Variants in S100A16 observed in about 807,000 individuals in gnomAD.
S100A16 encodes the protein protein S100-A16.
In S100A16, 8 loss-of-function variants were observed where a neutral mutation model predicts 9.0. That is an observed-to-expected ratio of 0.89 (90% confidence interval 0.52 to 1.60). The LOEUF (loss-of-function observed/expected upper bound fraction) is 1.60, where lower values mean the gene tolerates loss of function less well. S100A16 is among the 40% of genes most tolerant of loss of function. The pLI is 0.00. For missense variants in S100A16, 138 were observed against 132.4 expected, an observed-to-expected ratio of 1.04 and a Z score of -0.21; for synonymous variants, 51 against 51.4, an observed-to-expected ratio of 0.99 and a Z score of 0.04.
chr1:153,607,503 C>T lies in S100A16; in HGVS notation c.*31G>A, dbSNP rs570910714. On this transcript the variant is annotated 3_prime_UTR_variant, in exon 3 of 3. Transcript: ENST00000368706. ...AGAGCACCAGGGCGGGGCATCAGGCCAGTGCCTGGAAGGTGTGGCCAAAGG... is the reference window on the plus strand; with the variant it reads ...AGAGCACCAGGGCGGGGCATCAGGCTAGTGCCTGGAAGGTGTGGCCAAAGG... 29 of 1,613,432 alleles carry T rather than the reference C, an allele frequency of 1.8e-5. No homozygotes were observed. The South Asian group carries it at 2.4e-4, about 13-fold the overall frequency.
intron 1 of S100A16, among the ~76,000 whole-genome samples, chr1:153,609,979 A>G (rs1666798838): frequency 1.3e-5 from 2 of 152,144 alleles, no homozygotes; most frequent in Non-Finnish European, 2.9e-5. Context: ...GGGAGGATGG[A>G]GCAGAGTACC....
Position 153,608,004 on chromosome 1 carries a change from G to C in S100A16, c.148C>G (p.Leu50Val). 1 of 1,613,892 alleles carries C rather than the reference G, an allele frequency of 6.2e-7. No individual in the cohort carries two copies. Among genetic ancestry groups the C allele is most frequent in the Non-Finnish European group, 8.5e-7 (1 of 1,179,904 alleles). Residue 50 changes from leucine (L) to valine (V), a missense_variant, in exon 2 of 3, where the codon CTG (leucine) becomes GTG (valine). By Grantham distance (32) the Leu-to-Val change is conservative. Transcript: ENST00000368706. ...CCTTGGGTGAGAGGCCTTACCGACA[G>C]CATGTGGTTCAGCTCTTTCTGGAGC... ...EMLQKELNHMLSDTGNRKAAD... is the reference protein window; with the variant it reads ...EMLQKELNHMVSDTGNRKAAD...
At position 153,607,483 on chromosome 1, in the gene S100A16, A is replaced by C. The variant is rs1666717994; in HGVS notation, c.*51T>G. ...GCTGAGGAGGGAGCCTGGGGAGAGC[A>C]CCAGGGCGGGGCATCAGGCCAGTGC... On this transcript the variant is annotated 3_prime_UTR_variant, in exon 3 of 3. Coordinates refer to ENST00000368706, the MANE Select transcript of S100A16 (RefSeq NM_080388.3). 4.4e-6 allele frequency: 7 copies of C among 1,607,002 alleles called. No homozygotes were observed. The highest frequency in any genetic ancestry group is 6.0e-6 in the Non-Finnish European group (7 of 1,174,740).
In S100A16 at chr1:153,609,303, T is replaced by C. The variant is rs572232746; in HGVS notation, c.-26-1126A>G. 1.1e-3 allele frequency: 1,040 copies of C among 986,014 alleles called. 1 individual carries two copies. Among genetic ancestry groups the C allele is most frequent in the Middle Eastern group, 2.1e-3 (4 of 1,914 alleles). 61.1% of individuals were successfully genotyped at this position (986,014 alleles called of 1,614,324 possible). A position where few individuals can be genotyped will look rare whatever the true frequency, so the allele number is the denominator to read the frequency against. Reference sequence around the variant, plus strand: ...CAGGCCCCACCACAGCCTCCTGTCCTGCCACCTGCTTTCCGTTGGCCACTT... The same window carrying C: ...CAGGCCCCACCACAGCCTCCTGTCCCGCCACCTGCTTTCCGTTGGCCACTT... On this transcript the variant is annotated intron_variant, in intron 1 of 2. Coordinates refer to ENST00000368706, the MANE Select transcript of S100A16 (RefSeq NM_080388.3).
At position 153,607,110 on chromosome 1, in the gene S100A16, CTGCTGCTGCTGCTGT is replaced by C. The variant is rs1666706151; in HGVS notation, c.*409_*423del. The C allele has an allele frequency of 2.2e-6, 1 of 452,668 alleles. No homozygotes were observed. The highest frequency in any genetic ancestry group is 1.6e-5 in the South Asian group (1 of 63,180). 28.0% of individuals were successfully genotyped at this position (452,668 alleles called of 1,614,324 possible). A position where few individuals can be genotyped will look rare whatever the true frequency, so the allele number is the denominator to read the frequency against. On this transcript the variant is annotated 3_prime_UTR_variant, in exon 3 of 3. Coordinates refer to ENST00000368706, the MANE Select transcript of S100A16 (RefSeq NM_080388.3). ...GGAGAGGTCTCTGCTGCTGCTGCTG[CTGCTGCTGCTGCTGT>C]TGCTGCTACCACTGCCACCAAGAGC...
intron 1 of S100A16, chr1:153,608,438 G>T (rs1666752866): frequency 2.1e-5 from 9 of 428,658 alleles, no homozygotes; most frequent in Middle Eastern, 6.3e-4. Context: ...CCAGGCACCA[G>T]GTTCCAGCCC....
At position 153,607,428 on chromosome 1, in the gene S100A16, A is replaced by C; in HGVS notation, c.*106T>G. The C allele has an allele frequency of 7.5e-7, 1 of 1,329,882 alleles. No individual in the cohort carries two copies. Among genetic ancestry groups the C allele is most frequent in the Non-Finnish European group, 1.1e-6 (1 of 941,658 alleles). 82.4% of individuals were successfully genotyped at this position (1,329,882 alleles called of 1,614,324 possible). A position where few individuals can be genotyped will look rare whatever the true frequency, so the allele number is the denominator to read the frequency against. The stretch of plus-strand genomic sequence containing the variant: ...GGTCAGAGGAAGGTCTGGAGGGAGA[A>C]GAGAGTAAAGGGCCCTGGGTGGGCA... On this transcript the variant is annotated 3_prime_UTR_variant, in exon 3 of 3. Transcript: ENST00000368706.
chr1:153,608,223 A>T (rs1323027433), intron 1 of S100A16, 46 bp from the exon 2 acceptor site: 1 of 1,550,684 alleles, frequency 6.4e-7, no homozygotes, highest in Admixed American at 1.7e-5. Flanking sequence ...CCCACAGGCC[A>T]TACCTCCTCC....
At chr1:153,610,914 G>A (rs951453006) in intron 1 of S100A16, among the ~76,000 whole-genome samples, 6 of 151,654 alleles carry the variant, frequency 4.0e-5, no homozygotes, top group African/African-American at 1.5e-4. Context: ...CCCATCAGCC[G>A]CTTCCTAGAA....
At chr1:153,609,700 C>T (rs905958176) in intron 1 of S100A16, among the ~76,000 whole-genome samples, 3 of 152,202 alleles carry the variant, frequency 2.0e-5, no homozygotes, top group African/African-American at 7.2e-5. Flanking sequence ...GCCCACATTG[C>T]CTGGTCCAGT....
At chr1:153,610,355 A>G (rs1666806174) in intron 1 of S100A16, among the ~76,000 whole-genome samples, 2 of 152,188 alleles carry the variant, frequency 1.3e-5, no homozygotes. Flanking sequence ...AGGGAGAGGA[A>G]GAGGGAAGGA....
intron 1 of S100A16, chr1:153,609,416 A>T: frequency 5.2e-6 from 5 of 965,268 alleles, no homozygotes; most frequent in Non-Finnish European, 6.2e-6. Flanking sequence ...ACGCCTCCGA[A>T]GGAAGCCTGC....
chr1:153,608,089 T>C lies in S100A16; in HGVS notation c.63A>G (p.Lys21=). Residue 21 remains lysine, a synonymous_variant, in exon 2 of 3, where the codon AAA becomes AAG. Transcript: ENST00000368706. ...AVIVLVENFY[K]YVSKYSLVKN... is the part of the protein sequence containing the mutation. ...TGACCAGGCTGTACTTAGACACATA[T>C]TTGTAGAAGTTTTCCACCAGGACAA... 1 of 1,614,038 alleles carries C rather than the reference T, an allele frequency of 6.2e-7. No individual in the cohort carries two copies. The highest frequency in any genetic ancestry group is 8.5e-7 in the Non-Finnish European group (1 of 1,179,934).
intron 1 of S100A16, among the ~76,000 whole-genome samples, chr1:153,612,422 A>G (rs1309452383): frequency 1.3e-5 from 2 of 151,000 alleles, no homozygotes; most frequent in Non-Finnish European, 3.0e-5. Flanking sequence ...AGCTCCTGGA[A>G]CACAGTGGGG....
chr1:153,610,214 A>G (rs1032543666), intron 1 of S100A16, among the ~76,000 whole-genome samples: 1 of 152,108 alleles, frequency 6.6e-6, no homozygotes, highest in African/African-American at 2.4e-5. Flanking sequence ...AACCGTGCCC[A>G]TTTCTGGAAG....
At chr1:153,610,996 C>T (rs1214255008) in intron 1 of S100A16, among the ~76,000 whole-genome samples, 1 of 152,140 alleles carries the variant, frequency 6.6e-6, no homozygotes, top group Non-Finnish European at 1.5e-5. Context: ...ACAGTGTACA[C>T]AGGAGCCTTC....
Position 153,609,343 on chromosome 1 carries a change from T to G in S100A16, c.-26-1166A>C, listed in dbSNP as rs545973857. The G allele has an allele frequency of 2.8e-5, 28 of 986,052 alleles. No individual in the cohort carries two copies. The African/African-American group carries it at 4.7e-4, about 17-fold the overall frequency. The allele number at this position is 986,052 out of a possible 1,614,324, so 61.1% of individuals were successfully genotyped here. A position where few individuals can be genotyped will look rare whatever the true frequency, so the allele number is the denominator to read the frequency against. On this transcript the variant is annotated intron_variant, in intron 1 of 2. Transcript: ENST00000368706. ...GTTGGCCACTTGTGGCCATTCCTAC[T>G]CCCATGCCGGCTGCCCTGCCCTCTC...
chr1:153,609,353 G>A, intron 1 of S100A16: 1 of 986,138 alleles, frequency 1.0e-6, no homozygotes, highest in Non-Finnish European at 1.2e-6. Context: ...TCCCATGCCG[G>A]CTGCCCTGCC....
chr1:153,613,110 T>A lies in S100A16; in HGVS notation c.-185A>T, dbSNP rs1666876132. ...AGCCCTGCCCGCTGAGCTGGCTCGG[T>A]GGGGAGATAGTGGCTGAGCTCCTTC... On this transcript the variant is annotated 5_prime_UTR_variant, in exon 1 of 3. Coordinates refer to ENST00000368706, the MANE Select transcript of S100A16 (RefSeq NM_080388.3). 6.6e-6 allele frequency: 1 copy of A among 152,430 alleles called. No homozygotes were observed. Among genetic ancestry groups the A allele is most frequent in the Non-Finnish European group, 1.5e-5 (1 of 68,272 alleles). 9.4% of individuals were successfully genotyped at this position (152,430 alleles called of 1,614,324 possible).
Sources: gnomAD v4.1 joint callset for allele counts (sites outside exome capture counted in the v4.1 genomes callset) on GRCh38, gnomAD v4.1.1 for gene constraint, MANE v1.5 for transcripts, NCBI Gene and HGNC (gene_info 2026-07-23, HGNC 2026-07-21) for gene names.